The following POLR1E variants were observed in gnomAD, a reference collection of about 807,000 sequenced individuals.
The protein encoded by POLR1E is RNA polymerase I subunit E, also known as DNA-directed RNA polymerase I subunit RPA49.
Under a neutral mutation model 50.9 loss-of-function variants are expected in POLR1E, and 37 were observed. That is an observed-to-expected ratio of 0.73 (90% CI 0.56 to 0.96). The LOEUF (loss-of-function observed/expected upper bound fraction) is 0.96. POLR1E is among the 40% of genes least tolerant of loss of function. The probability of loss-of-function intolerance (pLI) is 0.00; values close to 1 mark genes in which losing one functional copy is unlikely to be tolerated. For missense variants in POLR1E, 426 were observed against 518.1 expected, an observed-to-expected ratio of 0.82 and a Z score of 1.73; for synonymous variants, 166 against 191.6, an observed-to-expected ratio of 0.87 and a Z score of 1.10.
intron 11 of POLR1E, 75 bp from the exon 12 acceptor site, chr9:37,502,968 G>T: frequency 1.4e-6 from 2 of 1,418,982 alleles, no homozygotes; most frequent in Non-Finnish European, 1.9e-6. Context: ...TGAATGTGCT[G>T]CTACCTTTTG....
At chr9:37,487,997 C>A in intron 3 of POLR1E, 58 bp downstream of exon 3, 1 of 1,525,518 alleles carries the variant, frequency 6.6e-7, no homozygotes, top group Non-Finnish European at 9.1e-7. Context: ...GGTGGCAGCA[C>A]TGGCACTGCT....
rs762148047 is a variant in POLR1E, at chr9:37,486,617, C to T, written c.77-86C>T. On this transcript the variant is annotated intron_variant, in intron 1 of 11. Coordinates refer to ENST00000377798, the MANE Select transcript of POLR1E (RefSeq NM_022490.4). ...CCATCCCCATTCTGACACTCCCTCC[C>T]AGTGACAGTCTAGTCCCACCGTACA... 9.2e-5 allele frequency: 149 copies of T among 1,614,084 alleles called. 1 individual carries two copies. In the African/African-American group the frequency reaches 1.8e-3, roughly 19 times the overall value.
Position 37,500,891 on chromosome 9 carries a change from A to G in POLR1E, c.938A>G (p.His313Arg). ...ATCATCAACACCAAACTGCTGAAGC[A>G]CTTTACTTGCTTGACCTACAACAAT... ...PHIINTKLLKHFTCLTYNNGR... is the reference protein window; with the variant it reads ...PHIINTKLLKRFTCLTYNNGR... The change falls in exon 10 of 12, where the codon CAC (histidine) becomes CGC (arginine). Residue 313 changes from histidine to arginine, a missense_variant. Coordinates refer to ENST00000377798, the MANE Select transcript of POLR1E (RefSeq NM_022490.4). The G allele has an allele frequency of 6.2e-7, 1 of 1,614,004 alleles. No individual in the cohort carries two copies. The highest frequency in any genetic ancestry group is 8.5e-7 in the Non-Finnish European group (1 of 1,179,892).
rs770328742 is a variant in POLR1E, at chr9:37,486,798, C to T, written c.172C>T (p.Arg58Trp). 59 of 1,609,730 alleles carry T rather than the reference C, an allele frequency of 3.7e-5. No individual in the cohort carries two copies. Among genetic ancestry groups the T allele is most frequent in the Non-Finnish European group, 4.8e-5 (56 of 1,178,698 alleles). Residue 58 changes from arginine to tryptophan, a missense_variant, in exon 2 of 12, where the codon CGG (arginine) becomes TGG (tryptophan). Coordinates refer to ENST00000377798, the MANE Select transcript of POLR1E (RefSeq NM_022490.4). ...DSTNPRKRNQ[R>W]ILAAETDRLS... ...CACCAACCCCAGGAAGAGGAATCAA[C>T]GGATCCTGGTAAGTGAAGCAGTTGC...
At chr9:37,501,532 C>T (rs1490048477) in intron 10 of POLR1E, among the ~76,000 whole-genome samples, 181 bp from the exon 11 acceptor site, 1 of 152,214 alleles carries the variant, frequency 6.6e-6, no homozygotes, top group African/African-American at 2.4e-5. Context: ...GCACACTGCT[C>T]CACTGTGTGT....
intron 4 of POLR1E, chr9:37,492,318 G>C (rs1205359524): frequency 1.5e-6 from 2 of 1,304,526 alleles, no homozygotes; most frequent in Admixed American, 4.5e-5. Flanking sequence ...TTTCTGGAAA[G>C]AGCCAAGGAC....
intron 4 of POLR1E, among the ~76,000 whole-genome samples, chr9:37,491,184 T>G (rs1165715044): frequency 6.6e-6 from 1 of 152,164 alleles, no homozygotes; most frequent in African/African-American, 2.4e-5. Flanking sequence ...AGGGTCACAC[T>G]CAAGGGGCTT....
intron 7 of POLR1E, 139 bp from the exon 8 acceptor site, chr9:37,495,751 T>C: frequency 3.2e-6 from 2 of 616,994 alleles, no homozygotes. Flanking sequence ...CACCAAGCTC[T>C]GCCCCTATGT....
intron 6 of POLR1E, among the ~76,000 whole-genome samples, chr9:37,494,686 G>A (rs1343189129): frequency 1.3e-5 from 2 of 152,148 alleles, no homozygotes; most frequent in African/African-American, 4.8e-5. Flanking sequence ...CCATCCTCCC[G>A]CCTTGGCCTT....
At chr9:37,494,665 C>T (rs1197305377) in intron 6 of POLR1E, among the ~76,000 whole-genome samples, 1 of 151,934 alleles carries the variant, frequency 6.6e-6, no homozygotes, top group East Asian at 1.9e-4. Flanking sequence ...TCTCAAACTT[C>T]TGGGCTCAAG....
Position 37,486,053 on chromosome 9 carries a change from G to A in POLR1E, c.6G>A (p.Ala2=), listed in dbSNP as rs1203168874. M[A]AEVLPSARWQ... is the part of the protein sequence containing the mutation. ...TTGGCGGACAGACAGGCGAGATGGC[G>A]GCGGAGGTGTTGCCGAGTGCGAGGT... Residue 2 remains alanine, a synonymous_variant, in exon 1 of 12, where the codon GCG becomes GCA. Coordinates refer to ENST00000377798, the MANE Select transcript of POLR1E (RefSeq NM_022490.4). 6.2e-7 allele frequency: 1 copy of A among 1,600,204 alleles called. No homozygotes were observed. Among genetic ancestry groups the A allele is most frequent in the Admixed American group, 1.8e-5 (1 of 56,918 alleles).
At chr9:37,487,804 T>C (rs754217799) in intron 2 of POLR1E, 59 bp from the exon 3 acceptor site, 2 of 1,494,028 alleles carry the variant, frequency 1.3e-6, no homozygotes, top group Non-Finnish European at 1.9e-6. Context: ...AAAAGAGAAA[T>C]GATGCTTAAT....
chr9:37,499,517 GTTTTTTTGTTT>G (rs112955225), intron 9 of POLR1E, among the ~76,000 whole-genome samples: 32,611 of 151,812 alleles, frequency 0.21, 3,632 homozygotes, highest in East Asian at 0.26. Context: ...TTTTTTTGTT[GTTTTTTTGTTT>G]TGTTTTTGTT....
intron 1 of POLR1E, chr9:37,486,490 G>A: frequency 6.4e-7 from 1 of 1,552,532 alleles, no homozygotes; most frequent in Non-Finnish European, 8.7e-7. Context: ...ATTCCCTCCT[G>A]TCACAGCCCC....
intron 4 of POLR1E, among the ~76,000 whole-genome samples, chr9:37,491,973 G>A (rs1181579498): frequency 1.3e-5 from 2 of 152,196 alleles, no homozygotes; most frequent in Non-Finnish European, 2.9e-5. Flanking sequence ...GTAAATATGA[G>A]TTTATTCTAG....
At chr9:37,496,110 A>C in intron 8 of POLR1E, 124 bp downstream of exon 8, 1 of 671,950 alleles carries the variant, frequency 1.5e-6, no homozygotes. Flanking sequence ...TTGGACATGA[A>C]TGAGCCAGTG....
At chr9:37,501,433 A>G (rs1230087876) in intron 10 of POLR1E, among the ~76,000 whole-genome samples, 4 of 152,220 alleles carry the variant, frequency 2.6e-5, no homozygotes, top group African/African-American at 9.6e-5. Flanking sequence ...ACAGACTCAC[A>G]GGGCCCTCAC....
chr9:37,503,184 G>A lies in POLR1E; in HGVS notation c.1242G>A (p.Lys414=), dbSNP rs1820924209. 1.2e-6 allele frequency: 2 copies of A among 1,610,174 alleles called. No homozygotes were observed. Among genetic ancestry groups the A allele is most frequent in the African/African-American group, 1.3e-5 (1 of 74,688 alleles). ...CCCAGACCTCAGACCGCCTGGCAAA[G>A]CGGAGGAAGATTACCTAGACGCATG... ...PPAQTSDRLA[K]RRKIT Residue 414 remains lysine, a synonymous_variant, in exon 12 of 12, where the codon AAG becomes AAA. Coordinates refer to ENST00000377798, the MANE Select transcript of POLR1E (RefSeq NM_022490.4).
chr9:37,497,296 G>A (rs921094151), intron 8 of POLR1E, among the ~76,000 whole-genome samples: 1 of 152,170 alleles, frequency 6.6e-6, no homozygotes, highest in Non-Finnish European at 1.5e-5. Flanking sequence ...CGGAGGTTGC[G>A]GTGAGCCAAG....
Sources: gnomAD v4.1 joint callset for allele counts (sites outside exome capture counted in the v4.1 genomes callset) on GRCh38, gnomAD v4.1.1 for gene constraint, MANE v1.5 for transcripts, NCBI Gene and HGNC (gene_info 2026-07-23, HGNC 2026-07-21) for gene names.